KCTD18: variants seen among roughly 807,000 people sequenced by gnomAD.
KCTD18 encodes the protein potassium channel tetramerization domain containing 18.
KCTD18 carries 22 observed loss-of-function variants against 30.4 expected under a neutral mutation model. The observed-to-expected ratio is 0.72, with a 90% CI of 0.52 to 1.03. KCTD18 has a LOEUF of 1.03. KCTD18 is among the 50% of genes least tolerant of loss of function. KCTD18 has a pLI of 0.00. For missense variants in KCTD18, 529 were observed against 547.6 expected, an observed-to-expected ratio of 0.97 and a Z score of 0.34; for synonymous variants, 186 against 209.0, an observed-to-expected ratio of 0.89 and a Z score of 0.95.
chr2:200,508,321 C>G (rs947930746), intron 1 of KCTD18, among the ~76,000 whole-genome samples: 1 of 152,130 alleles, frequency 6.6e-6, no homozygotes, highest in Non-Finnish European at 1.5e-5. Context: ...AACTCCTGAC[C>G]TCAGGTGATC....
At position 200,504,731 on chromosome 2, in the gene KCTD18, TA is replaced by T. The variant is rs2030066829; in HGVS notation, c.372+16del. The stretch of plus-strand genomic sequence containing the variant: ...TCATAAATATATATATTCAAAAACT[TA>T]AAAAAATGCCAAGACCTTTTTAAGT... On this transcript the variant is annotated intron_variant, in intron 3 of 6. Transcript: ENST00000359878. 1.9e-6 allele frequency: 3 copies of T among 1,587,950 alleles called. No homozygotes were observed. Among genetic ancestry groups the T allele is most frequent in the Non-Finnish European group, 1.7e-6 (2 of 1,160,604 alleles).
intron 6 of KCTD18, among the ~76,000 whole-genome samples, 194 bp from the exon 7 acceptor site, chr2:200,490,810 A>G (rs10497864): frequency 0.29 from 43,925 of 152,052 alleles, 7,010 homozygotes; most frequent in Middle Eastern, 0.37. Context: ...ATTGGTCTTA[A>G]TTTGAATACG....
chr2:200,490,055 A>G lies in KCTD18; in HGVS notation c.*45T>C. The G allele has an allele frequency of 2.0e-6, 3 of 1,519,974 alleles. No homozygotes were observed. The highest frequency in any genetic ancestry group is 2.6e-6 in the Non-Finnish European group (3 of 1,133,474). The allele number at this position is 1,519,974 out of a possible 1,614,324, so 94.2% of individuals were successfully genotyped here. A position where few individuals can be genotyped will look rare whatever the true frequency, so the allele number is the denominator to read the frequency against. ...TCACTTCTTTGCGTCGAATGGGTTG[A>G]AAGCTTTGGGAGATGAACGGGAAAT... On this transcript the variant is annotated 3_prime_UTR_variant, in exon 7 of 7. Transcript: ENST00000359878.
intron 5 of KCTD18, among the ~76,000 whole-genome samples, chr2:200,494,337 T>G (rs2087966181): frequency 6.6e-6 from 1 of 152,246 alleles, no homozygotes; most frequent in Non-Finnish European, 1.5e-5. Flanking sequence ...TATGCTTTAG[T>G]TAATTCTGTT....
intron 3 of KCTD18, among the ~76,000 whole-genome samples, chr2:200,503,895 T>C (rs1484367035): frequency 1.3e-5 from 2 of 152,194 alleles, no homozygotes; most frequent in Non-Finnish European, 2.9e-5. Context: ...ACACATATAA[T>C]ACTTTCAATA....
chr2:200,507,409 C>A (rs952736430), intron 1 of KCTD18, among the ~76,000 whole-genome samples: 27 of 152,172 alleles, frequency 1.8e-4, no homozygotes, highest in African/African-American at 6.3e-4. Flanking sequence ...ATTCACATAT[C>A]TTTTTAACCA....
chr2:200,505,778 G>A (rs540811816), intron 2 of KCTD18, among the ~76,000 whole-genome samples: 5 of 151,672 alleles, frequency 3.3e-5, no homozygotes, highest in South Asian at 2.1e-4. Flanking sequence ...TTTGTACTAC[G>A]AGAACCCAAA....
In KCTD18 at chr2:200,492,176, G is replaced by A. The variant is rs114570048; in HGVS notation, c.764+996C>T. On this transcript the variant is annotated intron_variant, in intron 6 of 6. Coordinates refer to ENST00000359878, the MANE Select transcript of KCTD18 (RefSeq NM_152387.4). ...CTCCACACTGAGGTTTCTCAACCTCGGCACTATTACCATTTTGGTCACATA... is the reference window on the plus strand; with the variant it reads ...CTCCACACTGAGGTTTCTCAACCTCAGCACTATTACCATTTTGGTCACATA... 4.3e-3 allele frequency among the ~76,000 whole-genome samples: 660 copies of A among 152,162 alleles called. 5 individuals carry two copies. Among genetic ancestry groups the A allele is most frequent in the African/African-American group, 0.015 (625 of 41,502 alleles).
At chr2:200,505,758 G>T (rs1021019965) in intron 2 of KCTD18, among the ~76,000 whole-genome samples, 1 of 151,828 alleles carries the variant, frequency 6.6e-6, no homozygotes, top group African/African-American at 2.4e-5. Context: ...CGAATTACTG[G>T]GTTAGTCCTT....
chr2:200,504,415 C>T (rs1174395350), intron 3 of KCTD18, among the ~76,000 whole-genome samples: 3 of 150,250 alleles, frequency 2.0e-5, no homozygotes, highest in Non-Finnish European at 1.5e-5. Context: ...GCCAAAATCC[C>T]GCCACTGCAC....
chr2:200,507,173 T>C (rs2030246138), intron 1 of KCTD18, 82 bp from the exon 2 acceptor site: 2 of 510,658 alleles, frequency 3.9e-6, no homozygotes, highest in African/African-American at 1.9e-5. Context: ...TTAACATGAC[T>C]GAAAATAAAT....
At chr2:200,509,116 A>G (rs1254953999) in intron 1 of KCTD18, among the ~76,000 whole-genome samples, 2 of 152,100 alleles carry the variant, frequency 1.3e-5, no homozygotes, top group Non-Finnish European at 2.9e-5. Flanking sequence ...ATTGTAAGAG[A>G]CACTTGACAC....
At chr2:200,498,135 T>A (rs1011710155) in intron 4 of KCTD18, among the ~76,000 whole-genome samples, 14 of 152,072 alleles carry the variant, frequency 9.2e-5, no homozygotes, top group African/African-American at 2.2e-4. Flanking sequence ...ATCAAGTTTT[T>A]AAAAAAAATC....
rs771748740 is a variant in KCTD18 at position 200,497,851 on chromosome 2, G to C, written c.567-4C>G. The C allele has an allele frequency of 1.3e-6, 2 of 1,590,506 alleles. No individual in the cohort carries two copies. Among genetic ancestry groups the C allele is most frequent in the Non-Finnish European group, 1.7e-6 (2 of 1,160,052 alleles). On this transcript the variant is annotated splice_polypyrimidine_tract_variant and splice_region_variant and intron_variant, in intron 4 of 6. Coordinates refer to ENST00000359878, the MANE Select transcript of KCTD18 (RefSeq NM_152387.4). ...CTGAACATTATTTCCCGCCTCTCTA[G>C]AAATATTGCAAAGAGTAATGAAAAT...
Position 200,506,746 on chromosome 2 carries a change from A to C in KCTD18, c.160+111T>G, listed in dbSNP as rs1353142435. ...ATCTCCATAGAGTCCTAATGATCTC[A>C]GTAATTAGTATAGTCATCTAGTACA... On this transcript the variant is annotated intron_variant, in intron 2 of 6. Coordinates refer to ENST00000359878, the MANE Select transcript of KCTD18 (RefSeq NM_152387.4). 1.3e-5 allele frequency: 12 copies of C among 898,130 alleles called. No homozygotes were observed. In the African/African-American group the frequency reaches 1.5e-4, roughly 11 times the overall value. 55.6% of individuals were successfully genotyped at this position (898,130 alleles called of 1,614,324 possible). A position where few individuals can be genotyped will look rare whatever the true frequency, so the allele number is the denominator to read the frequency against.
intron 1 of KCTD18, among the ~76,000 whole-genome samples, chr2:200,508,307 C>G (rs929922303): frequency 1.3e-5 from 2 of 152,158 alleles, no homozygotes; most frequent in African/African-American, 4.8e-5. Context: ...GCAGTCTGGT[C>G]TCCAACTCCT....
chr2:200,505,142 A>C (rs112320052), intron 2 of KCTD18, among the ~76,000 whole-genome samples, 183 bp from the exon 3 acceptor site: 1 of 152,260 alleles, frequency 6.6e-6, no homozygotes, highest in East Asian at 1.9e-4. Flanking sequence ...TCAAACACCA[A>C]ATATGATATA....
chr2:200,498,887 A>G lies in KCTD18; in HGVS notation c.566+4T>C, dbSNP rs757723776. 7 of 1,612,220 alleles carry G rather than the reference A, an allele frequency of 4.3e-6. No individual in the cohort carries two copies. The highest frequency in any genetic ancestry group is 5.9e-6 in the Non-Finnish European group (7 of 1,178,552). On this transcript the variant is annotated splice_donor_region_variant and intron_variant, in intron 4 of 6. Transcript: ENST00000359878. ...TTCTTTTTCACATTTAAATTTGGAC[A>G]TACCTTTTAAAAATGCCTTTGCTGT...
chr2:200,509,695 G>A lies in KCTD18; in HGVS notation c.-143C>T, dbSNP rs896963874. On this transcript the variant is annotated 5_prime_UTR_variant, in exon 1 of 7. Transcript: ENST00000359878. ...TCCGGCCACAGCACACAGTTCCTCA[G>A]AAAGTCTGAGGAGGGGTCGGGATCT... 2.0e-5 allele frequency: 3 copies of A among 152,304 alleles called. No individual in the cohort carries two copies. Among genetic ancestry groups the A allele is most frequent in the Non-Finnish European group, 4.4e-5 (3 of 68,120 alleles). 9.4% of individuals were successfully genotyped at this position (152,304 alleles called of 1,614,324 possible). A position where few individuals can be genotyped will look rare whatever the true frequency, so the allele number is the denominator to read the frequency against.
Sources: allele counts gnomAD v4.1 joint callset (sites outside exome capture counted in the v4.1 genomes callset), GRCh38; gene constraint gnomAD v4.1.1; transcripts MANE v1.5; gene names NCBI Gene and HGNC (gene_info 2026-07-23, HGNC 2026-07-21).